FHIT: variants seen among roughly 807,000 people sequenced by gnomAD.
FHIT encodes the protein fragile histidine triad diadenosine triphosphatase.
A neutral mutation model predicts 17.9 loss-of-function variants in FHIT; 19 were observed. That is an observed-to-expected ratio of 1.06 (90% CI 0.74 to 1.56). The LOEUF (loss-of-function observed/expected upper bound fraction) is 1.56. Among genes scored for constraint, FHIT ranks in the 40% most tolerant of loss-of-function variants. FHIT has a pLI of 0.00. For missense variants in FHIT, 248 were observed against 189.2 expected (o/e 1.31, Z -1.82); for synonymous variants, 81 against 69.7 (o/e 1.16, Z -0.81).
intron 3 of FHIT, among the ~76,000 whole-genome samples, chr3:60,929,250 A>G (rs1265046308): frequency 5.9e-5 from 9 of 152,220 alleles, no homozygotes; most frequent in African/African-American, 1.9e-4. Context: ...CCCACAGCCA[A>G]TATCATACTG....
At chr3:60,710,700 G>A (rs1393475540) in intron 4 of FHIT, among the ~76,000 whole-genome samples, 1 of 152,210 alleles carries the variant, frequency 6.6e-6, no homozygotes, top group Non-Finnish European at 1.5e-5. Flanking sequence ...CAAACTGCAA[G>A]GCGGCAGCGA....
chr3:60,304,147 T>A (rs1440952480), intron 5 of FHIT, among the ~76,000 whole-genome samples: 1 of 152,156 alleles, frequency 6.6e-6, no homozygotes, highest in Non-Finnish European at 1.5e-5. Flanking sequence ...TTATTAAGTA[T>A]CCCTTTGAAA....
chr3:60,345,051 C>A (rs1027242176), intron 5 of FHIT, among the ~76,000 whole-genome samples: 1 of 152,162 alleles, frequency 6.6e-6, no homozygotes, highest in African/African-American at 2.4e-5. Flanking sequence ...TTATGAAAAT[C>A]ATATGCTTTA....
At chr3:61,010,304 A>G (rs1446461438) in intron 3 of FHIT, among the ~76,000 whole-genome samples, 3 of 152,180 alleles carry the variant, frequency 2.0e-5, no homozygotes, top group Admixed American at 6.5e-5. Flanking sequence ...AACTGATCCA[A>G]TATTAGCCCA....
At chr3:60,443,249 A>G (rs772272470) in intron 5 of FHIT, among the ~76,000 whole-genome samples, 40 of 152,184 alleles carry the variant, frequency 2.6e-4, no homozygotes, top group Non-Finnish European at 5.1e-4. Context: ...TCTTTTCCTA[A>G]CTGAATACCC....
intron 1 of FHIT, among the ~76,000 whole-genome samples, chr3:61,214,486 G>A (rs372706605): frequency 0.013 from 1,968 of 152,100 alleles, 18 homozygotes; most frequent in Middle Eastern, 0.071. Flanking sequence ...ATAGACCAAT[G>A]ACAGGCTCTG....
intron 3 of FHIT, among the ~76,000 whole-genome samples, chr3:61,002,309 G>C (rs1040914447): frequency 8.5e-5 from 13 of 152,152 alleles, no homozygotes; most frequent in African/African-American, 2.2e-4. Context: ...TGTCACACAA[G>C]CTGGAGTGCA....
intron 8 of FHIT, among the ~76,000 whole-genome samples, chr3:59,915,040 A>G (rs1445695545): frequency 2.0e-5 from 3 of 152,178 alleles, no homozygotes; most frequent in African/African-American, 7.2e-5. Flanking sequence ...CAAGCACTGT[A>G]GTTAAACTTA....
intron 7 of FHIT, among the ~76,000 whole-genome samples, chr3:60,010,000 T>C (rs1371711918): frequency 6.6e-6 from 1 of 152,256 alleles, no homozygotes; most frequent in Non-Finnish European, 1.5e-5. Context: ...AGTTTGTGCA[T>C]TCCCCCATGT....
At chr3:59,781,351 T>G (rs563512144) in intron 8 of FHIT, among the ~76,000 whole-genome samples, 1 of 152,368 alleles carries the variant, frequency 6.6e-6, no homozygotes, top group African/African-American at 2.4e-5. Context: ...AAGTGCACTG[T>G]GAGGTGAGTG....
intron 2 of FHIT, among the ~76,000 whole-genome samples, chr3:61,154,504 C>A (rs1302704351): frequency 6.6e-6 from 1 of 152,110 alleles, no homozygotes; most frequent in African/African-American, 2.4e-5. Flanking sequence ...CCTGCAGTAG[C>A]CTTCTGGTAT....
chr3:60,356,946 C>A (rs143410301), intron 5 of FHIT, among the ~76,000 whole-genome samples: 1 of 152,014 alleles, frequency 6.6e-6, no homozygotes, highest in East Asian at 1.9e-4. Flanking sequence ...AGATCAATAC[C>A]AAACAACTAG....
chr3:61,134,855 G>T (rs971679876), intron 2 of FHIT, among the ~76,000 whole-genome samples: 2 of 152,098 alleles, frequency 1.3e-5, no homozygotes, highest in African/African-American at 4.8e-5. Flanking sequence ...AATCGCAAAG[G>T]CCGGAGCACT....
At chr3:60,713,442 G>C (rs1432796696) in intron 4 of FHIT, among the ~76,000 whole-genome samples, 1 of 149,962 alleles carries the variant, frequency 6.7e-6, no homozygotes, top group Admixed American at 6.7e-5. Context: ...CAGAACTGAA[G>C]GAAATAGAGA....
intron 4 of FHIT, among the ~76,000 whole-genome samples, chr3:60,606,713 T>C (rs1298212700): frequency 6.6e-6 from 1 of 152,188 alleles, no homozygotes; most frequent in East Asian, 1.9e-4. Context: ...GCTCAGTTAA[T>C]TGGACCTTCT....
At chr3:60,754,524 G>A (rs2042534282) in intron 4 of FHIT, among the ~76,000 whole-genome samples, 1 of 152,116 alleles carries the variant, frequency 6.6e-6, no homozygotes, top group African/African-American at 2.4e-5. Flanking sequence ...CCAGCTATTT[G>A]GGAGGCTGAA....
intron 5 of FHIT, among the ~76,000 whole-genome samples, chr3:60,267,527 A>C (rs1267854124): frequency 6.6e-6 from 1 of 152,068 alleles, no homozygotes; most frequent in African/African-American, 2.4e-5. Context: ...CAAATAAGCA[A>C]AATTCCTCAA....
At chr3:61,053,317 G>T (rs1033099746) in intron 2 of FHIT, among the ~76,000 whole-genome samples, 5 of 152,124 alleles carry the variant, frequency 3.3e-5, no homozygotes, top group African/African-American at 7.2e-5. Context: ...GTCCTGGAAA[G>T]AAAAAGAGGA....
intron 4 of FHIT, among the ~76,000 whole-genome samples, chr3:60,646,737 C>T (rs1553686826): frequency 2.0e-5 from 3 of 152,124 alleles, no homozygotes; most frequent in Non-Finnish European, 4.4e-5. Flanking sequence ...TGGCGTTACT[C>T]ACAGTGACTG....
Sources: allele counts gnomAD v4.1 joint callset (sites outside exome capture counted in the v4.1 genomes callset), GRCh38; gene constraint gnomAD v4.1.1; transcripts MANE v1.5; gene names NCBI Gene and HGNC (gene_info 2026-07-23, HGNC 2026-07-21).